STK32A: variants seen among roughly 807,000 people sequenced by gnomAD.
The protein encoded by STK32A is serine/threonine kinase 32A, also known as serine/threonine-protein kinase 32A.
STK32A carries 41 observed loss-of-function variants against 53.2 expected under a neutral mutation model. That is an observed-to-expected ratio of 0.77 (90% CI 0.60 to 1.00). The LOEUF is 1.00. Among genes scored for constraint, STK32A ranks in the 50% least tolerant of loss-of-function variants. The probability of loss-of-function intolerance (pLI) is 0.00; values close to 1 mark genes in which losing one functional copy is unlikely to be tolerated. For missense variants in STK32A, 458 were observed against 485.8 expected (o/e 0.94, Z 0.54); for synonymous variants, 166 against 162.8 (o/e 1.02, Z -0.15).
At chr5:147,370,844 G>A in intron 9 of STK32A, 74 bp downstream of exon 9, 2 of 960,348 alleles carry the variant, frequency 2.1e-6, no homozygotes, top group Non-Finnish European at 3.3e-6. Context: ...TTAGAAGTTA[G>A]TATACAATAT....
At chr5:147,347,742 C>T (rs1022525013) in intron 6 of STK32A, among the ~76,000 whole-genome samples, 4 of 152,130 alleles carry the variant, frequency 2.6e-5, no homozygotes, top group Admixed American at 2.6e-4. Context: ...GAGACTGAAC[C>T]CTTTCCTGTG....
At chr5:147,281,934 A>G (rs1175263765) in intron 4 of STK32A, among the ~76,000 whole-genome samples, 1 of 152,206 alleles carries the variant, frequency 6.6e-6, no homozygotes, top group Non-Finnish European at 1.5e-5. Flanking sequence ...ACAAGCTAGA[A>G]GGGATTGGAG....
intron 4 of STK32A, among the ~76,000 whole-genome samples, chr5:147,316,085 T>A (rs1215576130): frequency 6.6e-6 from 1 of 152,170 alleles, no homozygotes; most frequent in Non-Finnish European, 1.5e-5. Flanking sequence ...TCTTAAAGTG[T>A]TTTCAGTAAT....
At chr5:147,258,867 T>C (rs1754357802) in intron 2 of STK32A, among the ~76,000 whole-genome samples, 1 of 152,206 alleles carries the variant, frequency 6.6e-6, no homozygotes, top group Non-Finnish European at 1.5e-5. Context: ...TCTTTGCTAT[T>C]AATAAGACCT....
chr5:147,273,862 A>C (rs1581024484), intron 2 of STK32A, among the ~76,000 whole-genome samples: 1 of 152,208 alleles, frequency 6.6e-6, no homozygotes, highest in Non-Finnish European at 1.5e-5. Flanking sequence ...AACCATAACA[A>C]ATTATTTCAT....
At position 147,324,604 on chromosome 5, in the gene STK32A, T is replaced by C. The variant is rs116803653; in HGVS notation, c.434+533T>C. Among the ~76,000 whole-genome samples the C allele has an allele frequency of 3.8e-3, 584 of 152,196 alleles. 6 individuals carry two copies. Among genetic ancestry groups the C allele is most frequent in the African/African-American group, 0.013 (560 of 41,540 alleles). ...GACATACAAATAACATAAGAAACCA[T>C]AAAGCTATAGAGATAATACAGAGAA... is the stretch of plus-strand genomic sequence containing the variant. On this transcript the variant is annotated intron_variant, in intron 5 of 12. Coordinates refer to ENST00000397936, the MANE Select transcript of STK32A (RefSeq NM_001112724.2).
chr5:147,385,938 TTTTATGCAGGGC>T lies in STK32A; in HGVS notation c.*1959_*1970del, dbSNP rs1757629971. 1 of 152,192 alleles carries T rather than the reference TTTTATGCAGGGC, an allele frequency of 6.6e-6. No individual in the cohort carries two copies. The allele number at this position is 152,192 out of a possible 1,614,324, so 9.4% of individuals were successfully genotyped here. On this transcript the variant is annotated 3_prime_UTR_variant, in exon 13 of 13. Transcript: ENST00000397936. Reference sequence around the variant, plus strand: ...GACCGAAGAAACAGAGATGGCTGTCTTTTATGCAGGGCTTTTCCATAAAGAGGTTACACTGGG... The same window carrying T: ...GACCGAAGAAACAGAGATGGCTGTCTTTTTCCATAAAGAGGTTACACTGGG...
At chr5:147,240,471 G>C (rs1753526331) in intron 2 of STK32A, among the ~76,000 whole-genome samples, 2 of 152,138 alleles carry the variant, frequency 1.3e-5, no homozygotes, top group Admixed American at 1.3e-4. Context: ...GGAAAAGAAT[G>C]GACTGAAATT....
At chr5:147,315,978 A>T (rs1317991514) in intron 4 of STK32A, among the ~76,000 whole-genome samples, 1 of 152,196 alleles carries the variant, frequency 6.6e-6, no homozygotes, top group Admixed American at 6.5e-5. Flanking sequence ...TGGCATAACC[A>T]CACAAAAATG....
intron 5 of STK32A, among the ~76,000 whole-genome samples, chr5:147,327,755 A>G (rs1211387363): frequency 6.6e-6 from 1 of 152,170 alleles, no homozygotes; most frequent in Admixed American, 6.5e-5. Flanking sequence ...CCAAGTTTGC[A>G]TGGCTATTAA....
chr5:147,297,018 A>G (rs1752899142), intron 4 of STK32A, among the ~76,000 whole-genome samples: 1 of 152,176 alleles, frequency 6.6e-6, no homozygotes, highest in Non-Finnish European at 1.5e-5. Flanking sequence ...TATCTTTTAT[A>G]AATATTTTGT....
At chr5:147,371,255 T>C (rs977992357) in intron 9 of STK32A, among the ~76,000 whole-genome samples, 23 of 152,146 alleles carry the variant, frequency 1.5e-4, no homozygotes, top group African/African-American at 5.5e-4. Flanking sequence ...CTATTCCCCA[T>C]GCAGCCCCAC....
At position 147,279,397 on chromosome 5, in the gene STK32A, T is replaced by G; in HGVS notation, c.259T>G (p.Trp87Gly). The G allele has an allele frequency of 6.4e-7, 1 of 1,573,666 alleles. No individual in the cohort carries two copies. The highest frequency in any genetic ancestry group is 8.6e-7 in the Non-Finnish European group (1 of 1,159,030). The change falls in exon 4 of 13, where the codon TGG (tryptophan) becomes GGG (glycine). Residue 87 changes from tryptophan (W) to glycine (G), a missense_variant and splice_region_variant. Physicochemically the swap from Trp to Gly is radical, Grantham distance 184 (BLOSUM62 -2). Coordinates refer to ENST00000397936, the MANE Select transcript of STK32A (RefSeq NM_001112724.2). ...GLEHPFLVNL[W>G]YSFQDEEDMF... ...GGAGCACCCTTTCCTGGTTAATTTG[T>G]GGTGAGTAATTTTACTGGACCTCTG... is the stretch of plus-strand genomic sequence containing the variant.
At chr5:147,349,968 G>A (rs555078887) in intron 6 of STK32A, among the ~76,000 whole-genome samples, 4 of 151,868 alleles carry the variant, frequency 2.6e-5, no homozygotes, top group South Asian at 2.1e-4. Flanking sequence ...AAAATTAGCT[G>A]AGCATGGTTG....
chr5:147,309,900 A>T (rs1014378670), intron 4 of STK32A, among the ~76,000 whole-genome samples: 10 of 152,320 alleles, frequency 6.6e-5, no homozygotes, highest in Admixed American at 6.5e-4. Context: ...CAGCATTAAC[A>T]TATATTTTAT....
At chr5:147,273,152 C>T (rs1581023687) in intron 2 of STK32A, among the ~76,000 whole-genome samples, 1 of 152,178 alleles carries the variant, frequency 6.6e-6, no homozygotes, top group Admixed American at 6.5e-5. Flanking sequence ...TTTAACATTG[C>T]TTATTGCACA....
rs188133534 is a variant in STK32A at position 147,359,040 on chromosome 5, G to T, written c.563-2477G>T. The stretch of plus-strand genomic sequence containing the variant: ...TTGCTTATAACTGTTTGCTAATTCT[G>T]CAGTGTTTTATTTACTTTTCTGAAT... On this transcript the variant is annotated intron_variant, in intron 7 of 12. Coordinates refer to ENST00000397936, the MANE Select transcript of STK32A (RefSeq NM_001112724.2). Among the ~76,000 whole-genome samples the T allele has an allele frequency of 2.2e-3, 333 of 152,224 alleles. 1 individual carries two copies. Among genetic ancestry groups the T allele is most frequent in the Non-Finnish European group, 3.4e-3 (233 of 68,002 alleles).
At chr5:147,286,703 C>A (rs1320122921) in intron 4 of STK32A, among the ~76,000 whole-genome samples, 1 of 152,080 alleles carries the variant, frequency 6.6e-6, no homozygotes, top group East Asian at 1.9e-4. Flanking sequence ...GTCTTTTGTT[C>A]TCCTTAGTTT....
chr5:147,308,624 G>A (rs1203679633), intron 4 of STK32A, among the ~76,000 whole-genome samples: 1 of 151,928 alleles, frequency 6.6e-6, no homozygotes, highest in Non-Finnish European at 1.5e-5. Context: ...TCACAGGGAA[G>A]GTTTTCAATA....
Sources: allele counts gnomAD v4.1 joint callset (sites outside exome capture counted in the v4.1 genomes callset), GRCh38; gene constraint gnomAD v4.1.1; transcripts MANE v1.5; gene names NCBI Gene and HGNC (gene_info 2026-07-23, HGNC 2026-07-21).